ELAVL4: variants seen among roughly 807,000 people sequenced by gnomAD.
The protein encoded by ELAVL4 is ELAV-like protein 4.
In ELAVL4, 1 loss-of-function variant was observed where a neutral mutation model predicts 35.6. The ratio of observed to expected loss-of-function variants is 0.03; its 90% CI spans 0.01 to 0.13. The LOEUF (loss-of-function observed/expected upper bound fraction) is 0.13. Ranked by LOEUF, ELAVL4 falls within the 10% of genes least tolerant of loss-of-function variation. The probability of loss-of-function intolerance (pLI) is 1.00; values close to 1 mark genes in which losing one functional copy is unlikely to be tolerated. For missense variants in ELAVL4, 267 were observed against 464.9 expected, an observed-to-expected ratio of 0.57 and a Z score of 3.91; for synonymous variants, 156 against 171.0, an observed-to-expected ratio of 0.91 and a Z score of 0.69.
intron 3 of ELAVL4, among the ~76,000 whole-genome samples, chr1:50,188,460 G>A (rs541558878): frequency 3.2e-4 from 49 of 152,328 alleles, no homozygotes; most frequent in African/African-American, 1.1e-3. Flanking sequence ...TGGCGTTGCT[G>A]TTTTCCACAT....
chr1:50,106,458 G>T, upstream of ELAVL4: 1 of 1,323,648 alleles, frequency 7.6e-7, no homozygotes, highest in Non-Finnish European at 1.1e-6. Context: ...GGTTGCCTTA[G>T]CTGCTTGAGT....
chr1:50,186,566 G>T (rs1182236178), intron 3 of ELAVL4, among the ~76,000 whole-genome samples: 1 of 152,202 alleles, frequency 6.6e-6, no homozygotes, highest in East Asian at 1.9e-4. Flanking sequence ...TTCAGTATGG[G>T]CTTAGAAAGA....
chr1:50,177,225 A>G (rs1175509712), intron 3 of ELAVL4, 33 bp downstream of exon 3: 1 of 1,533,758 alleles, frequency 6.5e-7, no homozygotes, highest in Non-Finnish European at 9.0e-7. Context: ...CTGATTCAGG[A>G]GGCTCTGGTT....
At chr1:50,177,328 A>C in intron 3 of ELAVL4, 136 bp downstream of exon 3, 33 of 674,622 alleles carry the variant, frequency 4.9e-5, no homozygotes, top group Non-Finnish European at 2.6e-6. Context: ...CATCCACTAT[A>C]CTAAATGGGA....
chr1:50,051,587 G>A (rs970953810), intron 1 of ELAVL4, among the ~76,000 whole-genome samples: 2 of 152,162 alleles, frequency 1.3e-5, no homozygotes, highest in Non-Finnish European at 2.9e-5. Context: ...GATAGGATTA[G>A]ATTACAAACT....
At chr1:50,181,529 C>T (rs1194289771) in intron 3 of ELAVL4, among the ~76,000 whole-genome samples, 1 of 152,210 alleles carries the variant, frequency 6.6e-6, no homozygotes, top group African/African-American at 2.4e-5. Context: ...ACTAGCCTGC[C>T]AGAGCAGCCT....
chr1:50,051,712 G>A (rs1389630609), intron 1 of ELAVL4, among the ~76,000 whole-genome samples: 4 of 152,028 alleles, frequency 2.6e-5, no homozygotes, highest in Admixed American at 2.0e-4. Context: ...TTTTTTTATT[G>A]GGAACTGGAT....
In ELAVL4 at chr1:50,201,330, TA is replaced by T; in HGVS notation, c.*156del. ...TTATAAGCCAGTGTTGCCTAAGTAT[TA>T]AAACATTGGATTATCCTGAGGTGTA... On this transcript the variant is annotated 3_prime_UTR_variant, in exon 7 of 7. Coordinates refer to ENST00000371824, the MANE Select transcript of ELAVL4 (RefSeq NM_001144774.3). The surrounding 1 kb of genome is among the most constrained non-coding windows in gnomAD (Gnocchi z 4.3). The T allele has an allele frequency of 1.1e-6, 1 of 889,478 alleles. No individual in the cohort carries two copies. The highest frequency in any genetic ancestry group is 1.6e-6 in the Non-Finnish European group (1 of 641,198). 55.1% of individuals were successfully genotyped at this position (889,478 alleles called of 1,614,324 possible).
intron 1 of ELAVL4, among the ~76,000 whole-genome samples, chr1:50,117,374 C>T (rs1003290327): frequency 3.3e-5 from 5 of 152,082 alleles, no homozygotes; most frequent in African/African-American, 1.2e-4. Flanking sequence ...ACCAGAGAAC[C>T]GTGAGTCTGC....
chr1:50,111,637 C>A (rs1667091983), intron 1 of ELAVL4, among the ~76,000 whole-genome samples: 1 of 152,118 alleles, frequency 6.6e-6, no homozygotes, highest in African/African-American at 2.4e-5. Flanking sequence ...GTCACAGGAT[C>A]CATCAGGCTT....
At chr1:50,125,393 G>A (rs992176267) in intron 1 of ELAVL4, among the ~76,000 whole-genome samples, 4 of 151,990 alleles carry the variant, frequency 2.6e-5, no homozygotes, top group African/African-American at 9.7e-5. Context: ...CAATAGTTCA[G>A]CCAGTGCCTT....
At chr1:50,150,804 C>A (rs1343293592) in intron 2 of ELAVL4, among the ~76,000 whole-genome samples, 1 of 152,146 alleles carries the variant, frequency 6.6e-6, no homozygotes, top group Non-Finnish European at 1.5e-5. Flanking sequence ...GTGAATTCAG[C>A]CCCAAGGTGA....
At chr1:50,174,821 T>C (rs1679702275) in intron 2 of ELAVL4, 1 of 152,188 alleles carries the variant, frequency 6.6e-6, no homozygotes, top group African/African-American at 2.4e-5. Context: ...ATGAGTAATT[T>C]TAGAAAGATG....
At chr1:50,136,189 G>A (rs1212377207) in intron 1 of ELAVL4, among the ~76,000 whole-genome samples, 1 of 152,058 alleles carries the variant, frequency 6.6e-6, no homozygotes, top group Non-Finnish European at 1.5e-5. Context: ...TAAGGAGCAA[G>A]AAGAGAAGTG....
At chr1:50,101,171 A>G (rs1156238173), upstream of ELAVL4, among the ~76,000 whole-genome samples, 1 of 152,204 alleles carries the variant, frequency 6.6e-6, no homozygotes, top group Non-Finnish European at 1.5e-5. Context: ...GAGTGGGACT[A>G]TTGATCTTCG....
At chr1:50,173,399 T>C (rs1679392688) in intron 2 of ELAVL4, among the ~76,000 whole-genome samples, 1 of 152,212 alleles carries the variant, frequency 6.6e-6, no homozygotes, top group South Asian at 2.1e-4. Flanking sequence ...TGCTTTAAAG[T>C]GTAGCCATTA....
chr1:50,152,235 G>A (rs1572416811), intron 2 of ELAVL4, among the ~76,000 whole-genome samples: 2 of 152,042 alleles, frequency 1.3e-5, no homozygotes, highest in Non-Finnish European at 2.9e-5. Flanking sequence ...CCCTGCTTCC[G>A]AACTCAGATA....
At chr1:50,052,624 C>T (rs566731312) in intron 1 of ELAVL4, among the ~76,000 whole-genome samples, 1 of 152,312 alleles carries the variant, frequency 6.6e-6, no homozygotes, top group South Asian at 2.1e-4. Context: ...TTATACTAAT[C>T]CCTTGATGCA....
intron 2 of ELAVL4, among the ~76,000 whole-genome samples, chr1:50,171,296 C>G (rs1030490657): frequency 2.0e-5 from 3 of 152,132 alleles, no homozygotes; most frequent in Non-Finnish European, 4.4e-5. Context: ...CTGCCTGATG[C>G]CAGACACTCT....
Sources: gnomAD v4.1 joint callset for allele counts (sites outside exome capture counted in the v4.1 genomes callset) on GRCh38, gnomAD v4.1.1 for gene constraint, Gnocchi (gnomAD v3.1) non-coding constraint, MANE v1.5 for transcripts, NCBI Gene and HGNC (gene_info 2026-07-23, HGNC 2026-07-21) for gene names.